Variants in OTOP1 observed in about 807,000 individuals in gnomAD.
The protein encoded by OTOP1 is proton channel OTOP1.
A neutral mutation model predicts 52.9 loss-of-function variants in OTOP1; 59 were observed. That is an observed-to-expected ratio of 1.12 (90% confidence interval 0.91 to 1.39). OTOP1 has a LOEUF of 1.39. OTOP1 is among the 40% of genes most tolerant of loss of function. The probability of loss-of-function intolerance (pLI) is 0.00; values close to 1 mark genes in which losing one functional copy is unlikely to be tolerated. For synonymous variants in OTOP1, 317 were observed against 337.7 expected, an observed-to-expected ratio of 0.94 and a Z score of 0.67; for missense variants, 761 against 800.9, an observed-to-expected ratio of 0.95 and a Z score of 0.60.
chr4:4,208,780 TA>T (rs34906027), intron 2 of OTOP1, among the ~76,000 whole-genome samples: 68,399 of 145,978 alleles, frequency 0.47, 16,911 homozygotes, highest in African/African-American at 0.67. Context: ...ATTGTCAAAC[TA>T]AAAAAAAAAA....
At chr4:4,208,219 G>A (rs1201203303) in intron 2 of OTOP1, among the ~76,000 whole-genome samples, 2 of 152,146 alleles carry the variant, frequency 1.3e-5, no homozygotes, top group African/African-American at 2.4e-5. Context: ...TAAAGATCTT[G>A]GAGCCCACAA....
chr4:4,204,069 T>C (rs936970022), intron 3 of OTOP1, among the ~76,000 whole-genome samples: 2 of 152,096 alleles, frequency 1.3e-5, no homozygotes, highest in African/African-American at 4.8e-5. Context: ...ACGGGGAAAA[T>C]GGTGCAACCG....
rs1267850488 is a variant in OTOP1 at position 4,197,364 on chromosome 4, G to C, written c.1470C>G (p.Pro490=). The change falls in exon 5 of 6, where the codon CCC becomes CCG. Residue 490 remains proline (P), a synonymous_variant. Coordinates refer to ENST00000296358, the MANE Select transcript of OTOP1 (RefSeq NM_177998.3). ...KSGGVARDVA[P]QGKDMPPAAN... is the part of the protein sequence containing the mutation. The stretch of plus-strand genomic sequence containing the variant: ...CTGCTGGTGGCATGTCCTTGCCCTG[G>C]GGAGCCACATCTCTGGCCACACCTC... The C allele has an allele frequency of 1.2e-6, 2 of 1,613,930 alleles. No individual in the cohort carries two copies. The highest frequency in any genetic ancestry group is 1.7e-6 in the Non-Finnish European group (2 of 1,180,028).
intron 2 of OTOP1, among the ~76,000 whole-genome samples, chr4:4,210,226 G>T (rs767609556): frequency 6.6e-5 from 10 of 152,166 alleles, no homozygotes; most frequent in Admixed American, 3.9e-4. Context: ...AACGCAGTTC[G>T]TTCTGCCCTC....
chr4:4,220,356 G>A (rs1717274427), intron 1 of OTOP1, among the ~76,000 whole-genome samples: 1 of 152,042 alleles, frequency 6.6e-6, no homozygotes, highest in African/African-American at 2.4e-5. Context: ...GCTTTGATAT[G>A]TATATAAAAT....
At position 4,197,923 on chromosome 4, in the gene OTOP1, A is replaced by G. The variant is rs1716686947; in HGVS notation, c.911T>C (p.Met304Thr). The change falls in exon 5 of 6, where the codon ATG becomes ACG. Residue 304 changes from methionine to threonine, a missense_variant. Physicochemically the swap from Met to Thr is moderately conservative, Grantham distance 81 (BLOSUM62 -1). Transcript: ENST00000296358. ...CATGACCCCATCAGACTTGAACTGC[A>G]TCTTCTGGTGCTGATGGCTGTCAAC... is the stretch of plus-strand genomic sequence containing the variant. ...RKVDSHQHQKMQFKSDGVMVG... is the reference protein window; with the variant it reads ...RKVDSHQHQKTQFKSDGVMVG... 2 of 1,614,064 alleles carry G rather than the reference A, an allele frequency of 1.2e-6. No individual in the cohort carries two copies. The highest frequency in any genetic ancestry group is 1.7e-6 in the Non-Finnish European group (2 of 1,180,000).
In OTOP1 at chr4:4,197,227, C is replaced by G. The variant is rs141181262; in HGVS notation, c.1607G>C (p.Gly536Ala). 1 of 1,418,452 alleles carries G rather than the reference C, an allele frequency of 7.0e-7. No individual in the cohort carries two copies. The highest frequency in any genetic ancestry group is 1.3e-5 in the South Asian group (1 of 74,888). 87.9% of individuals were successfully genotyped at this position (1,418,452 alleles called of 1,614,324 possible). A position where few individuals can be genotyped will look rare whatever the true frequency, so the allele number is the denominator to read the frequency against. ...SPVRLPRFLQ[G>A]NAKRKVLRNI... is the part of the protein sequence containing the mutation. Reference sequence around the variant, plus strand: ...CCTCAGGACTTTTCTCTTGGCGTTGCCCTGTAAGAAACGGGGAAGGCGGAC... The same window carrying G: ...CCTCAGGACTTTTCTCTTGGCGTTGGCCTGTAAGAAACGGGGAAGGCGGAC... The change falls in exon 5 of 6, where the codon GGC becomes GCC. Residue 536 changes from glycine to alanine, a missense_variant. By Grantham distance (60) the Gly-to-Ala change is moderately conservative. Coordinates refer to ENST00000296358, the MANE Select transcript of OTOP1 (RefSeq NM_177998.3).
rs148385670 is a variant in OTOP1, at chr4:4,206,072, C to T, written c.599G>A (p.Arg200Lys). 3 of 1,602,444 alleles carry T rather than the reference C, an allele frequency of 1.9e-6. No homozygotes were observed. The highest frequency in any genetic ancestry group is 1.1e-5 in the South Asian group (1 of 90,496). Residue 200 changes from arginine (R) to lysine (K), a missense_variant and splice_region_variant, in exon 3 of 6, where the codon AGG (arginine) becomes AAG (lysine). Physicochemically the swap from Arg to Lys is conservative, Grantham distance 26. Coordinates refer to ENST00000296358, the MANE Select transcript of OTOP1 (RefSeq NM_177998.3). ...TAAAGCAATTACCCACAATTTTTAC[C>T]TTTCCAGTGTTTTGAAAGACTGGAT... ...DIIQSFKTLE[R>K]FGVIHSVFTN...
At chr4:4,216,324 T>C (rs1410114387) in intron 1 of OTOP1, among the ~76,000 whole-genome samples, 1 of 152,148 alleles carries the variant, frequency 6.6e-6, no homozygotes. Flanking sequence ...ATGAAGAAAT[T>C]AGTGAGAAAA....
chr4:4,223,149 T>G (rs1373906128), intron 1 of OTOP1, among the ~76,000 whole-genome samples: 5 of 152,218 alleles, frequency 3.3e-5, no homozygotes, highest in Non-Finnish European at 5.9e-5. Context: ...TGAACACCTA[T>G]CACGTGCTCT....
chr4:4,196,299 C>A (rs1197972067), intron 5 of OTOP1, among the ~76,000 whole-genome samples: 1 of 152,084 alleles, frequency 6.6e-6, no homozygotes, highest in Non-Finnish European at 1.5e-5. Flanking sequence ...CACCTGTAAT[C>A]CTAGCATTTT....
In OTOP1 at chr4:4,200,810, G is replaced by T. The variant is rs73077838; in HGVS notation, c.730+1638C>A. Among the ~76,000 whole-genome samples the T allele has an allele frequency of 3.4e-5, 5 of 148,744 alleles. No individual in the cohort carries two copies. The East Asian group carries it at 6.0e-4, about 18-fold the overall frequency. On this transcript the variant is annotated intron_variant, in intron 4 of 5. Coordinates refer to ENST00000296358, the MANE Select transcript of OTOP1 (RefSeq NM_177998.3). ...TAGGCTGAAGCAATGCTCCAGCCTC[G>T]GGATTACAAAGTGCTCAGATTACAG...
chr4:4,219,419 T>A (rs1040313890), intron 1 of OTOP1, among the ~76,000 whole-genome samples: 1 of 152,104 alleles, frequency 6.6e-6, no homozygotes, highest in Non-Finnish European at 1.5e-5. Context: ...AAAAGACAGA[T>A]TGCCGGGCGC....
At chr4:4,192,024 G>C (rs892440091) in intron 5 of OTOP1, among the ~76,000 whole-genome samples, 1 of 152,210 alleles carries the variant, frequency 6.6e-6, no homozygotes, top group Non-Finnish European at 1.5e-5. Context: ...ATAAATTCTT[G>C]TTACTTATCC....
chr4:4,209,075 A>G (rs1210632110), intron 2 of OTOP1, among the ~76,000 whole-genome samples: 28 of 152,180 alleles, frequency 1.8e-4, no homozygotes, highest in Admixed American at 1.8e-3. Context: ...CTGCAGTCCT[A>G]AAGAATGTCT....
rs1717449692 is a variant in OTOP1, at chr4:4,226,758, G to A, written c.107C>T (p.Pro36Leu). ...AACSPPSSSA[P>L]RSPESPAPRR... ...GGGGGCCGGGGATTCCGGGGACCTC[G>A]GGGCCGAGGACGAGGGAGGCGAGCA... Residue 36 changes from proline to leucine, a missense_variant, in exon 1 of 6, where the codon CCG becomes CTG. By Grantham distance (98) the Pro-to-Leu change is moderately conservative. Transcript: ENST00000296358. 7.2e-7 allele frequency: 1 copy of A among 1,389,352 alleles called. No individual in the cohort carries two copies. Among genetic ancestry groups the A allele is most frequent in the Non-Finnish European group, 9.3e-7 (1 of 1,073,000 alleles). 86.1% of individuals were successfully genotyped at this position (1,389,352 alleles called of 1,614,324 possible). A position where few individuals can be genotyped will look rare whatever the true frequency, so the allele number is the denominator to read the frequency against.
chr4:4,192,305 C>G (rs1448118806), intron 5 of OTOP1, among the ~76,000 whole-genome samples: 4 of 152,190 alleles, frequency 2.6e-5, no homozygotes, highest in South Asian at 4.1e-4. Context: ...CAGCCACCCC[C>G]ACCCAAGGCA....
intron 1 of OTOP1, 44 bp downstream of exon 1, chr4:4,226,418 C>G: frequency 7.2e-7 from 1 of 1,382,304 alleles, no homozygotes; most frequent in Non-Finnish European, 9.3e-7. Context: ...ATGCAGCCAG[C>G]GGGCGAGGAG....
intron 4 of OTOP1, 55 bp from the exon 5 acceptor site, chr4:4,198,158 C>T: frequency 1.4e-6 from 2 of 1,429,554 alleles, no homozygotes; most frequent in Non-Finnish European, 1.9e-6. Context: ...CAAGGGGGAA[C>T]AGAAAAGCAC....
Sources: allele counts gnomAD v4.1 joint callset (sites outside exome capture counted in the v4.1 genomes callset), GRCh38; gene constraint gnomAD v4.1.1; transcripts MANE v1.5; gene names NCBI Gene and HGNC (gene_info 2026-07-23, HGNC 2026-07-21).